PLXND1: variants seen among roughly 807,000 people sequenced by gnomAD.
PLXND1 encodes the protein plexin D1.
A neutral mutation model predicts 197.7 loss-of-function variants in PLXND1; 54 were observed. The ratio of observed to expected loss-of-function variants is 0.27; its 90% confidence interval spans 0.22 to 0.34. PLXND1 has a LOEUF of 0.34. PLXND1 is among the 10% of genes least tolerant of loss of function. The pLI, the probability that PLXND1 is intolerant of heterozygous loss-of-function variation, is 1.00. For synonymous variants in PLXND1, 1,180 were observed against 1,161.2 expected (o/e 1.02, Z -0.33); for missense variants, 2,127 against 2,699.2 (o/e 0.79, Z 4.70).
chr3:129,603,147 C>G (rs1294874513), intron 1 of PLXND1, among the ~76,000 whole-genome samples: 1 of 152,178 alleles, frequency 6.6e-6, no homozygotes, highest in Non-Finnish European at 1.5e-5. Flanking sequence ...GCGGGCACGG[C>G]GAAGAGGAGA....
chr3:129,591,243 C>A (rs2085536573), intron 1 of PLXND1: 1 of 152,270 alleles, frequency 6.6e-6, no homozygotes, highest in Non-Finnish European at 1.5e-5. Context: ...CCAGGCAAGG[C>A]ACTTCGCCTC....
Position 129,606,373 on chromosome 3 carries a change from C to T in PLXND1, c.267G>A (p.Leu89=). Residue 89 remains leucine, a synonymous_variant, in exon 1 of 36, where the codon CTG becomes CTA. Coordinates refer to ENST00000324093, the MANE Select transcript of PLXND1 (RefSeq NM_015103.3). The part of the protein sequence containing the change: ...LYQLSGANLS[L]EAEAAVGPVP... ...CCGGGCCCACGGCCGCCTCGGCCTC[C>T]AGGCTCAGGTTGGCGCCCGACAGCT... The T allele has an allele frequency of 6.7e-7, 1 of 1,497,640 alleles. No individual in the cohort carries two copies. The allele number at this position is 1,497,640 out of a possible 1,614,324, so 92.8% of individuals were successfully genotyped here.
chr3:129,598,624 G>GGCCCTCA (rs1202132975), intron 1 of PLXND1, among the ~76,000 whole-genome samples: 15 of 152,188 alleles, frequency 9.9e-5, no homozygotes, highest in South Asian at 2.1e-4. Flanking sequence ...CACCCTGAAA[G>GGCCCTCA]GCCCTCACTG....
intron 15 of PLXND1, among the ~76,000 whole-genome samples, chr3:129,572,299 C>T (rs1297450199): frequency 6.6e-6 from 1 of 152,220 alleles, no homozygotes; most frequent in Non-Finnish European, 1.5e-5. Flanking sequence ...CAACCACACC[C>T]CTGCCACTCA....
chr3:129,556,838 C>T (rs759177309), intron 34 of PLXND1, 147 bp from the exon 35 acceptor site: 31 of 709,444 alleles, frequency 4.4e-5, no homozygotes, highest in Admixed American at 1.2e-4. Flanking sequence ...GTCCCATGGA[C>T]GAAGACGGCT....
At chr3:129,573,200 G>A (rs2085263291) in intron 13 of PLXND1, among the ~76,000 whole-genome samples, 1 of 152,150 alleles carries the variant, frequency 6.6e-6, no homozygotes, top group Non-Finnish European at 1.5e-5. Flanking sequence ...CAAAAGGAAA[G>A]CCAGTTCAGT....
intron 20 of PLXND1, 127 bp downstream of exon 20, chr3:129,569,716 A>T (rs1002732922): frequency 3.1e-5 from 20 of 651,450 alleles, no homozygotes; most frequent in Middle Eastern, 4.0e-4. Flanking sequence ...ACCTGTTCCC[A>T]TGGCCAAGCC....
Position 129,555,906 on chromosome 3 carries a change from AGG to A in PLXND1, c.*404_*405del. The A allele has an allele frequency of 3.4e-6, 1 of 294,678 alleles. No individual in the cohort carries two copies. The allele number at this position is 294,678 out of a possible 1,614,324, so 18.3% of individuals were successfully genotyped here. On this transcript the variant is annotated 3_prime_UTR_variant, in exon 36 of 36. Transcript: ENST00000324093. The stretch of plus-strand genomic sequence containing the variant: ...AGGGCTCCCTGCACCAGTGTGGATG[AGG>A]TAGAGTTTCTGGGCTGCAGCCTCCG...
intron 1 of PLXND1, among the ~76,000 whole-genome samples, chr3:129,603,382 C>A (rs928000288): frequency 6.6e-6 from 1 of 152,150 alleles, no homozygotes; most frequent in Non-Finnish European, 1.5e-5. Flanking sequence ...GGGGAGGGAA[C>A]CCTGGGCTGG....
At chr3:129,602,601 G>A (rs956607330) in intron 1 of PLXND1, among the ~76,000 whole-genome samples, 7 of 152,232 alleles carry the variant, frequency 4.6e-5, no homozygotes, top group African/African-American at 1.7e-4. Flanking sequence ...ATGGGACTGG[G>A]CTCACAATAG....
intron 21 of PLXND1, 44 bp downstream of exon 21, chr3:129,567,654 G>T (rs202029186): frequency 6.4e-5 from 101 of 1,578,860 alleles, no homozygotes; most frequent in Admixed American, 8.3e-5. Context: ...CATCCCCTAG[G>T]AGGGAAAGTT....
Position 129,557,603 on chromosome 3 carries a change from G to A in PLXND1, c.5446-380C>T, listed in dbSNP as rs769576707. On this transcript the variant is annotated intron_variant, in intron 33 of 35. Coordinates refer to ENST00000324093, the MANE Select transcript of PLXND1 (RefSeq NM_015103.3). The surrounding 1 kb of genome is among the most constrained non-coding windows in gnomAD (Gnocchi z 4.8). ...GTGGCTAGGATTCCTGGAAGCCTGA[G>A]TGCTGGCTCAGTGGAATATTTCCCA... 1.3e-5 allele frequency among the ~76,000 whole-genome samples: 2 copies of A among 152,218 alleles called. No homozygotes were observed. The highest frequency in any genetic ancestry group is 2.4e-5 in the African/African-American group (1 of 41,442).
chr3:129,561,816 G>A lies in PLXND1; in HGVS notation c.4913C>T (p.Thr1638Met), dbSNP rs966927392. ...GGGCTGCACCTTGTAATGGGCCAGC[G>A]TGTTAAGCTTCTTGCGGCCGTCTTC... ...VVEDGRKKLN[T>M]LAHYKIPEGA... The change falls in exon 28 of 36, where the codon ACG (threonine) becomes ATG (methionine). Residue 1638 changes from threonine to methionine, a missense_variant. Thr to Met is a moderately conservative substitution (Grantham distance 81). Transcript: ENST00000324093. 2 of 1,612,874 alleles carry A rather than the reference G, an allele frequency of 1.2e-6. No individual in the cohort carries two copies. Among genetic ancestry groups the A allele is most frequent in the Non-Finnish European group, 1.7e-6 (2 of 1,178,998 alleles).
chr3:129,589,308 C>CGGG, intron 2 of PLXND1, 43 bp downstream of exon 2: 6 of 628,600 alleles, frequency 9.5e-6, no homozygotes, highest in Non-Finnish European at 8.6e-6. Flanking sequence ...CCCAGGGGAG[C>CGGG]CTCCCACCCC....
At chr3:129,556,463 C>T (rs527786282) in intron 35 of PLXND1, 35 bp from the exon 36 acceptor site, 17 of 1,548,370 alleles carry the variant, frequency 1.1e-5, no homozygotes, top group African/African-American at 5.4e-5. Context: ...GGGCCATGGC[C>T]GGTAGCCCTG....
chr3:129,568,915 T>G (rs992330521), intron 20 of PLXND1, among the ~76,000 whole-genome samples: 1 of 152,206 alleles, frequency 6.6e-6, no homozygotes, highest in African/African-American at 2.4e-5. Context: ...AGAGCATTTT[T>G]GCTGCCCCAA....
intron 1 of PLXND1, among the ~76,000 whole-genome samples, chr3:129,603,527 A>G (rs958308365): frequency 5.9e-5 from 9 of 152,108 alleles, no homozygotes; most frequent in East Asian, 3.9e-4. Context: ...AGTGCCAAAC[A>G]CAGTTGCCTG....
chr3:129,575,665 G>C lies in PLXND1; in HGVS notation c.2436+101C>G, dbSNP rs773427720. 4 of 1,229,730 alleles carry C rather than the reference G, an allele frequency of 3.3e-6. No individual in the cohort carries two copies. In the African/African-American group the frequency reaches 6.0e-5, roughly 18 times the overall value. The allele number at this position is 1,229,730 out of a possible 1,614,324, so 76.2% of individuals were successfully genotyped here. A position where few individuals can be genotyped will look rare whatever the true frequency, so the allele number is the denominator to read the frequency against. Reference sequence around the variant, plus strand: ...GATGAAGTTGGGGCTGCTGGGGATGGGGGAACCAGAAGGTAGAGAGAGGCA... The same window carrying C: ...GATGAAGTTGGGGCTGCTGGGGATGCGGGAACCAGAAGGTAGAGAGAGGCA... On this transcript the variant is annotated intron_variant, in intron 10 of 35. Transcript: ENST00000324093.
At chr3:129,566,709 G>A (rs2085146857) in intron 22 of PLXND1, 78 bp from the exon 23 acceptor site, 9 of 862,056 alleles carry the variant, frequency 1.0e-5, no homozygotes, top group Non-Finnish European at 1.5e-5. Flanking sequence ...ACACAGAAAG[G>A]GGCACTGGCT....
Sources: allele counts gnomAD v4.1 joint callset (sites outside exome capture counted in the v4.1 genomes callset), GRCh38; gene constraint gnomAD v4.1.1; non-coding constraint Gnocchi (gnomAD v3.1); transcripts MANE v1.5; gene names NCBI Gene and HGNC (gene_info 2026-07-23, HGNC 2026-07-21).